The following COPS9 variants were observed in gnomAD, a reference collection of about 807,000 sequenced individuals.
COPS9 encodes COP9 signalosome subunit 9.
Under a neutral mutation model 7.2 loss-of-function variants are expected in COPS9, and 8 were observed. That is an observed-to-expected ratio of 1.11 (90% CI 0.65 to 2.00). The LOEUF (loss-of-function observed/expected upper bound fraction) is 2.00. Among genes scored for constraint, COPS9 ranks in the 30% most tolerant of loss-of-function variants. The pLI is 0.00. For missense variants in COPS9, 74 were observed against 77.7 expected, an observed-to-expected ratio of 0.95 and a Z score of 0.18; for synonymous variants, 39 against 28.7, an observed-to-expected ratio of 1.36 and a Z score of -1.14.
At chr2:240,136,308 T>TCACTTCCGGCCTCAGAGC (rs2071991836), upstream of COPS9, 10 of 1,548,548 alleles carry the variant, frequency 6.5e-6, 1 homozygote, top group Admixed American at 1.9e-4. Flanking sequence ...CGCTCTAGGC[T>TCACTTCCGGCCTCAGAGC]CACTTCCGGC....
rs1262819623 is a variant in COPS9, at chr2:240,132,756, AG to A, written c.136+1176del. Among the ~76,000 whole-genome samples, 1 of 152,206 alleles carries A rather than the reference AG, an allele frequency of 6.6e-6. No homozygotes were observed. Among genetic ancestry groups the A allele is most frequent in the Non-Finnish European group, 1.5e-5 (1 of 68,028 alleles). On this transcript the variant is annotated intron_variant, in intron 2 of 2. Transcript: ENST00000607357. The surrounding 1 kb of genome is among the most constrained non-coding windows in gnomAD (Gnocchi z 4.1). ...ACTGCCCAATCCTGCCCACGTGAAA[AG>A]CTTCAAAGTCGCCCTGGTGAGCTGG...
At chr2:240,129,358 G>A (rs1413230638), downstream of COPS9, among the ~76,000 whole-genome samples, 1 of 152,098 alleles carries the variant, frequency 6.6e-6, no homozygotes, top group Non-Finnish European at 1.5e-5. Flanking sequence ...AGAGAGGGGG[G>A]TCTCGTTCTG....
chr2:240,128,080 G>C (rs1033560637), downstream of COPS9, among the ~76,000 whole-genome samples: 1 of 152,220 alleles, frequency 6.6e-6, no homozygotes, highest in South Asian at 2.1e-4. Context: ...GGTGTGCTGA[G>C]AGTCCGGGTG....
At chr2:240,128,016 G>C (rs1458555465), downstream of COPS9, among the ~76,000 whole-genome samples, 1 of 152,206 alleles carries the variant, frequency 6.6e-6, no homozygotes, top group Non-Finnish European at 1.5e-5. Flanking sequence ...ACTAATTGGA[G>C]GCAATGATTA....
In COPS9 at chr2:240,133,954, C is replaced by T. The variant is rs1369380202; in HGVS notation, c.115G>A (p.Val39Ile). 10 of 1,614,016 alleles carry T rather than the reference C, an allele frequency of 6.2e-6. No individual in the cohort carries two copies. The highest frequency in any genetic ancestry group is 4.5e-5 in the East Asian group (2 of 44,898). The change falls in exon 2 of 3, where the codon GTT becomes ATT. Residue 39 changes from valine to isoleucine, a missense_variant. Transcript: ENST00000607357. ...TTACCGTTAAAAAAGTCTGCATGAA[C>T]GGCCTTTTCATTGGCTGCCAAGTCC... ...LMDLAANEKA[V>I]HADFFNDFED...
intron 2 of COPS9, among the ~76,000 whole-genome samples, chr2:240,131,967 G>A (rs1022938123): frequency 4.6e-5 from 7 of 152,164 alleles, no homozygotes; most frequent in Admixed American, 3.3e-4. Flanking sequence ...TACTGCAGAG[G>A]GTCCCGACGC....
At chr2:240,126,640 TAA>T (rs1404368380), downstream of COPS9, 20 of 1,614,200 alleles carry the variant, frequency 1.2e-5, no homozygotes, top group Non-Finnish European at 1.5e-5. Flanking sequence ...TCATCACTCT[TAA>T]AACATTTACC....
At chr2:240,127,901 C>G (rs530356193), downstream of COPS9, among the ~76,000 whole-genome samples, 1 of 152,116 alleles carries the variant, frequency 6.6e-6, no homozygotes, top group Non-Finnish European at 1.5e-5. Flanking sequence ...ATTCACTGCC[C>G]CCCAAGTGAC....
chr2:240,133,928 C>T lies in COPS9; in HGVS notation c.136+5G>A, dbSNP rs1444967878. 1 of 1,613,874 alleles carries T rather than the reference C, an allele frequency of 6.2e-7. No individual in the cohort carries two copies. The highest frequency in any genetic ancestry group is 1.3e-5 in the African/African-American group (1 of 74,898). On this transcript the variant is annotated splice_donor_5th_base_variant and intron_variant, in intron 2 of 2. Transcript: ENST00000607357. ...AATCTGGCATCCCATTCCAAGCATC[C>T]TTACCGTTAAAAAAGTCTGCATGAA...
chr2:240,133,633 C>G (rs934218142), intron 2 of COPS9, among the ~76,000 whole-genome samples: 3 of 152,220 alleles, frequency 2.0e-5, no homozygotes, highest in African/African-American at 7.2e-5. Flanking sequence ...GGGCCCAGAC[C>G]TGGCTACAGT....
chr2:240,128,629 T>A (rs1206406592), downstream of COPS9, among the ~76,000 whole-genome samples: 1 of 149,896 alleles, frequency 6.7e-6, no homozygotes, highest in Non-Finnish European at 1.5e-5. Context: ...GGCGATCAGG[T>A]ATAAAAACCG....
intron 2 of COPS9, 104 bp downstream of exon 2, chr2:240,133,829 C>A: frequency 8.5e-7 from 1 of 1,172,748 alleles, no homozygotes; most frequent in Non-Finnish European, 1.3e-6. Flanking sequence ...GGGGCTCTAC[C>A]ACCTTATGAT....
At chr2:240,130,059 C>G, downstream of COPS9, 1 of 1,562,584 alleles carries the variant, frequency 6.4e-7, no homozygotes, top group Non-Finnish European at 8.8e-7. Context: ...GGAGCTCCAT[C>G]AGGATGACAG....
Position 240,136,228 on chromosome 2 carries a change from C to G in COPS9, c.57G>C (p.Leu19=), listed in dbSNP as rs1424812706. ...FPEGAGPYVD[L]DEAGGSTGLL... ...CCCGCCGGGCCCGTGCCACCTCGTC[C>G]AGGTCCACGTAGGGCCCGGCGCCCT... Residue 19 remains leucine (L), a synonymous_variant, in exon 1 of 3, where the codon CTG becomes CTC. Transcript: ENST00000607357. 1 of 1,558,336 alleles carries G rather than the reference C, an allele frequency of 6.4e-7. No individual in the cohort carries two copies. The highest frequency in any genetic ancestry group is 1.2e-5 in the South Asian group (1 of 85,326).
At chr2:240,131,284 T>C (rs538462216) in intron 2 of COPS9, among the ~76,000 whole-genome samples, 196 bp from the exon 3 acceptor site, 1 of 152,326 alleles carries the variant, frequency 6.6e-6, no homozygotes, top group South Asian at 2.1e-4. Flanking sequence ...GGGAGAGTGT[T>C]GGCTAGAGTG....
chr2:240,127,544 C>A (rs1184745395), downstream of COPS9, among the ~76,000 whole-genome samples: 1 of 152,160 alleles, frequency 6.6e-6, no homozygotes, highest in Admixed American at 6.5e-5. Context: ...CGAATCCTCA[C>A]CCCCAACCCC....
rs191184045 is a variant in COPS9 at position 240,133,773 on chromosome 2, G to A, written c.136+160C>T. On this transcript the variant is annotated intron_variant, in intron 2 of 2. Transcript: ENST00000607357. ...GGCTGCCTGCCAGTGGCCGCAGCCC[G>A]TGTCATCGCTCCACAGAGGCTGCAC... 1.1e-4 allele frequency among the ~76,000 whole-genome samples: 17 copies of A among 152,328 alleles called. No homozygotes were observed. In the East Asian group the frequency reaches 2.5e-3, roughly 23 times the overall value.
Position 240,133,930 on chromosome 2 carries a change from T to C in COPS9, c.136+3A>G. Reference sequence around the variant, plus strand: ...TCTGGCATCCCATTCCAAGCATCCTTACCGTTAAAAAAGTCTGCATGAACG... The same window carrying C: ...TCTGGCATCCCATTCCAAGCATCCTCACCGTTAAAAAAGTCTGCATGAACG... On this transcript the variant is annotated splice_donor_region_variant and intron_variant, in intron 2 of 2. Transcript: ENST00000607357. The C allele has an allele frequency of 6.2e-7, 1 of 1,614,016 alleles. No individual in the cohort carries two copies. Among genetic ancestry groups the C allele is most frequent in the East Asian group, 2.2e-5 (1 of 44,872 alleles).
intron 2 of COPS9, among the ~76,000 whole-genome samples, chr2:240,131,549 G>A (rs973212288): frequency 1.5e-4 from 23 of 152,204 alleles, no homozygotes; most frequent in Non-Finnish European, 2.2e-4. Flanking sequence ...TGAGAAAGCC[G>A]GGCTAGGCTG....
Sources: allele counts gnomAD v4.1 joint callset (sites outside exome capture counted in the v4.1 genomes callset), GRCh38; gene constraint gnomAD v4.1.1; non-coding constraint Gnocchi (gnomAD v3.1); transcripts MANE v1.5; gene names NCBI Gene and HGNC (gene_info 2026-07-23, HGNC 2026-07-21).